The following HRC variants were observed in gnomAD, a reference collection of about 807,000 sequenced individuals.
HRC encodes the protein sarcoplasmic reticulum histidine-rich calcium-binding protein.
A neutral mutation model predicts 61.4 loss-of-function variants in HRC; 41 were observed. That is an observed-to-expected ratio of 0.67 (90% CI 0.52 to 0.87). The LOEUF (loss-of-function observed/expected upper bound fraction) is 0.87. Ranked by LOEUF, HRC falls within the 40% of genes least tolerant of loss-of-function variation. The probability of loss-of-function intolerance (pLI) is 0.00; values close to 1 mark genes in which losing one functional copy is unlikely to be tolerated. For missense variants in HRC, 839 were observed against 885.8 expected (o/e 0.95, Z 0.67); for synonymous variants, 308 against 326.6 (o/e 0.94, Z 0.62).
chr19:49,154,173 C>G lies in HRC; in HGVS notation c.1065G>C (p.Glu355Asp). 6.2e-7 allele frequency: 1 copy of G among 1,613,256 alleles called. No individual in the cohort carries two copies. Among genetic ancestry groups the G allele is most frequent in the South Asian group, 1.1e-5 (1 of 91,062 alleles). ...GGTGCCAACGTTCAGTGGACACATC[C>G]TCATCTTCTTCCTCGTCTCTGTGGC... ...HQGHRDEEED[E>D]DVSTERWHQG... The change falls in exon 1 of 6, where the codon GAG becomes GAC. Residue 355 changes from glutamate to aspartate, a missense_variant. Glu to Asp is a conservative substitution (Grantham distance 45). Coordinates refer to ENST00000252825, the MANE Select transcript of HRC (RefSeq NM_002152.3).
intron 5 of HRC, 81 bp from the exon 6 acceptor site, chr19:49,151,413 T>C (rs1209693347): frequency 6.3e-7 from 1 of 1,575,556 alleles, no homozygotes; most frequent in South Asian, 1.1e-5. Context: ...AACCTGCCCA[T>C]TTCATGGACG....
chr19:49,151,418 T>C (rs2041357149), intron 5 of HRC, 86 bp from the exon 6 acceptor site: 1 of 1,572,182 alleles, frequency 6.4e-7, no homozygotes, highest in African/African-American at 1.3e-5. Context: ...GCCCATTTCA[T>C]GGACGGGGAA....
At position 49,154,297 on chromosome 19, in the gene HRC, T is replaced by C. The variant is rs749425795; in HGVS notation, c.941A>G (p.Tyr314Cys). The C allele has an allele frequency of 6.2e-7, 1 of 1,613,750 alleles. No individual in the cohort carries two copies. Among genetic ancestry groups the C allele is most frequent in the Middle Eastern group, 1.6e-4 (1 of 6,062 alleles). Residue 314 changes from tyrosine to cysteine, a missense_variant, in exon 1 of 6, where the codon TAT becomes TGT. By Grantham distance (194) the Tyr-to-Cys change is radical. Transcript: ENST00000252825. ...DNDDDDVSTE[Y>C]GHQAHRHQDH... Reference sequence around the variant, plus strand: ...TTGGTGCCTGTGGGCCTGGTGTCCATACTCAGTGGAGACATCATCATCATC... The same window carrying C: ...TTGGTGCCTGTGGGCCTGGTGTCCACACTCAGTGGAGACATCATCATCATC...
chr19:49,152,387 C>T lies in HRC; in HGVS notation c.1903-9G>A, dbSNP rs375857548. The T allele has an allele frequency of 1.1e-5, 18 of 1,612,354 alleles. No homozygotes were observed. Among genetic ancestry groups the T allele is most frequent in the Admixed American group, 1.7e-5 (1 of 59,802 alleles). On this transcript the variant is annotated splice_polypyrimidine_tract_variant and intron_variant, in intron 2 of 5. Coordinates refer to ENST00000252825, the MANE Select transcript of HRC (RefSeq NM_002152.3). Reference sequence around the variant, plus strand: ...TCACATTCAGTGCATCGCTGGGGACCGGGGGAGCCTGGTTAGATGGAAACT... The same window carrying T: ...TCACATTCAGTGCATCGCTGGGGACTGGGGGAGCCTGGTTAGATGGAAACT...
rs770360538 is a variant in HRC, at chr19:49,151,339, A to G, written c.2064-7T>C. On this transcript the variant is annotated splice_region_variant and splice_polypyrimidine_tract_variant and intron_variant, in intron 5 of 5. Transcript: ENST00000252825. ...CAGCATGTCTGCCAGGGCCCTGGAG[A>G]CGAGAACGCCAGAAGTTAGACAGCT... 2 of 1,555,874 alleles carry G rather than the reference A, an allele frequency of 1.3e-6. No individual in the cohort carries two copies. The highest frequency in any genetic ancestry group is 1.9e-5 in the Admixed American group (1 of 51,408).
chr19:49,152,078 G>A lies in HRC; in HGVS notation c.1972-20C>T, dbSNP rs374000962. 1 of 1,612,340 alleles carries A rather than the reference G, an allele frequency of 6.2e-7. No individual in the cohort carries two copies. The highest frequency in any genetic ancestry group is 8.5e-7 in the Non-Finnish European group (1 of 1,178,652). On this transcript the variant is annotated intron_variant, in intron 3 of 5. Transcript: ENST00000252825. The stretch of plus-strand genomic sequence containing the variant: ...ACAGTGCTGGAGGCGGGGACGGGGA[G>A]AGAGAGTGAGCGTGGGGCGTGGCCG...
Position 49,153,949 on chromosome 19 carries a change from A to T in HRC, c.1289T>A (p.Val430Asp). 1 of 1,611,384 alleles carries T rather than the reference A, an allele frequency of 6.2e-7. No individual in the cohort carries two copies. Among genetic ancestry groups the T allele is most frequent in the Non-Finnish European group, 8.5e-7 (1 of 1,179,220 alleles). The change falls in exon 1 of 6, where the codon GTC becomes GAC. Residue 430 changes from valine (V) to aspartate (D), a missense_variant. Physicochemically the swap from Val to Asp is radical, Grantham distance 152 (BLOSUM62 -3). Coordinates refer to ENST00000252825, the MANE Select transcript of HRC (RefSeq NM_002152.3). The surrounding 1 kb of genome is among the most constrained non-coding windows in gnomAD (Gnocchi z 4.8). ...GGCCTGGTGGCCAAGCTCAGCAGAGACCTCCTCATCTTCCTCCCTGGGGAC... is the reference window on the plus strand; with the variant it reads ...GGCCTGGTGGCCAAGCTCAGCAGAGTCCTCCTCATCTTCCTCCCTGGGGAC... ...HRVPREEDEEVSAELGHQAPS... is the reference protein window; with the variant it reads ...HRVPREEDEEDSAELGHQAPS...
Position 49,154,920 on chromosome 19 carries a change from G to A in HRC, c.318C>T (p.His106=), listed in dbSNP as rs774815749. 1 of 1,614,206 alleles carries A rather than the reference G, an allele frequency of 6.2e-7. No homozygotes were observed. Among genetic ancestry groups the A allele is most frequent in the Non-Finnish European group, 8.5e-7 (1 of 1,180,044 alleles). Residue 106 remains histidine (H), a synonymous_variant, in exon 1 of 6, where the codon CAC becomes CAT. Coordinates refer to ENST00000252825, the MANE Select transcript of HRC (RefSeq NM_002152.3). ...CTCCGACTTTGTGGTCTTGGGACCTGTGGCCTGGGAGTAGGTGCCCATATT... is the reference window on the plus strand; with the variant it reads ...CTCCGACTTTGTGGTCTTGGGACCTATGGCCTGGGAGTAGGTGCCCATATT... ...SKEYGHLLPG[H]RSQDHKVGDE... is the part of the protein sequence containing the mutation.
Position 49,154,388 on chromosome 19 carries a change from C to G in HRC, c.850G>C (p.Val284Leu), listed in dbSNP as rs376579842. 1.2e-6 allele frequency: 2 copies of G among 1,612,290 alleles called. No homozygotes were observed. The highest frequency in any genetic ancestry group is 1.7e-5 in the Admixed American group (1 of 59,864). ...QGHGIEEDED[V>L]SDGHHHRDPS... The stretch of plus-strand genomic sequence containing the variant: ...TCGCGATGATGGTGTCCATCTGAGA[C>G]ATCTTCATCCTCTTCAATCCCGTGG... The change falls in exon 1 of 6, where the codon GTC (valine) becomes CTC (leucine). Residue 284 changes from valine to leucine, a missense_variant. Physicochemically the swap from Val to Leu is conservative, Grantham distance 32. Coordinates refer to ENST00000252825, the MANE Select transcript of HRC (RefSeq NM_002152.3).
In HRC at chr19:49,155,392, G is replaced by A; in HGVS notation, c.-155C>T. 1 of 1,120,530 alleles carries A rather than the reference G, an allele frequency of 8.9e-7. No individual in the cohort carries two copies. The highest frequency in any genetic ancestry group is 1.7e-5 in the South Asian group (1 of 58,470). The allele number at this position is 1,120,530 out of a possible 1,614,324, so 69.4% of individuals were successfully genotyped here. ...ACCTTCCTCTGGTCCTTGCTGCCTG[G>A]CTCTGGACACCCCTCTGAGGCTGTC... On this transcript the variant is annotated 5_prime_UTR_variant, in exon 1 of 6. Coordinates refer to ENST00000252825, the MANE Select transcript of HRC (RefSeq NM_002152.3). This position sits in a 1 kb window ranked among gnomAD's most constrained non-coding sequence, Gnocchi z 4.7.
Position 49,154,709 on chromosome 19 carries a change from T to C in HRC, c.529A>G (p.Ile177Val). 1 of 1,613,880 alleles carries C rather than the reference T, an allele frequency of 6.2e-7. No individual in the cohort carries two copies. Among genetic ancestry groups the C allele is most frequent in the Non-Finnish European group, 8.5e-7 (1 of 1,179,976 alleles). The change falls in exon 1 of 6, where the codon ATC (isoleucine) becomes GTC (valine). Residue 177 changes from isoleucine to valine, a missense_variant. Coordinates refer to ENST00000252825, the MANE Select transcript of HRC (RefSeq NM_002152.3). ...EVVSSEHHHH[I>V]LRHGHRGHDG... Reference sequence around the variant, plus strand: ...TGGCCTCGGTGTCCATGCCTGAGGATATGATGGTGATGCTCACTGGACACA... The same window carrying C: ...TGGCCTCGGTGTCCATGCCTGAGGACATGATGGTGATGCTCACTGGACACA...
In HRC at chr19:49,153,220, C is replaced by G. The variant is rs778250395; in HGVS notation, c.1902+41G>C. On this transcript the variant is annotated intron_variant, in intron 2 of 5. Coordinates refer to ENST00000252825, the MANE Select transcript of HRC (RefSeq NM_002152.3). This position sits in a 1 kb window ranked among gnomAD's most constrained non-coding sequence, Gnocchi z 4.8. ...CACCCCAGGGCCCCTGGGACAGATT[C>G]TGGGGACACCTTGGTGGGTGGATCT... 3 of 1,527,624 alleles carry G rather than the reference C, an allele frequency of 2.0e-6. No individual in the cohort carries two copies. In the East Asian group the frequency reaches 6.8e-5, roughly 34 times the overall value. The allele number at this position is 1,527,624 out of a possible 1,614,324, so 94.6% of individuals were successfully genotyped here.
chr19:49,151,475 C>A (rs370910726), intron 5 of HRC, 42 bp downstream of exon 5: 115 of 1,607,590 alleles, frequency 7.2e-5, no homozygotes, highest in Non-Finnish European at 9.4e-5. Context: ...ACAAGCACTT[C>A]TCTAAACGGG....
rs755400580 is a variant in HRC, at chr19:49,155,168, G to A, written c.70C>T (p.Pro24Ser). ...CCTCTGAGCTGCTGGGTCATGGCCG[G>A]GGGGAGGAGCAGGCTGGCCACCCCA... ...WAGVASLLLPPAMTQQLRGDG... is the reference protein window; with the variant it reads ...WAGVASLLLPSAMTQQLRGDG... The change falls in exon 1 of 6, where the codon CCG becomes TCG. Residue 24 changes from proline (P) to serine (S), a missense_variant. Transcript: ENST00000252825. The surrounding 1 kb of genome is among the most constrained non-coding windows in gnomAD (Gnocchi z 4.7). The A allele has an allele frequency of 2.5e-6, 4 of 1,613,622 alleles. No individual in the cohort carries two copies. The highest frequency in any genetic ancestry group is 2.2e-5 in the East Asian group (1 of 44,862).
At position 49,155,339 on chromosome 19, in the gene HRC, C is replaced by T; in HGVS notation, c.-102G>A. On this transcript the variant is annotated 5_prime_UTR_variant, in exon 1 of 6. Coordinates refer to ENST00000252825, the MANE Select transcript of HRC (RefSeq NM_002152.3). This position sits in a 1 kb window ranked among gnomAD's most constrained non-coding sequence, Gnocchi z 4.7. ...GGTTGGTCTCTTTTTTTCTCTGTGTCTCTCCTTTGTCCTTTCGGTCTCTGT... is the reference window on the plus strand; with the variant it reads ...GGTTGGTCTCTTTTTTTCTCTGTGTTTCTCCTTTGTCCTTTCGGTCTCTGT... The T allele has an allele frequency of 2.1e-6, 3 of 1,419,808 alleles. No individual in the cohort carries two copies. Among genetic ancestry groups the T allele is most frequent in the East Asian group, 2.5e-5 (1 of 40,454 alleles). The allele number at this position is 1,419,808 out of a possible 1,614,324, so 88.0% of individuals were successfully genotyped here.
chr19:49,154,480 T>A lies in HRC; in HGVS notation c.758A>T (p.Asp253Val), dbSNP rs777415425. 1.9e-6 allele frequency: 3 copies of A among 1,584,126 alleles called. No individual in the cohort carries two copies. In the South Asian group the frequency reaches 3.4e-5, roughly 18 times the overall value. The change falls in exon 1 of 6, where the codon GAT (aspartate) becomes GTT (valine). Residue 253 changes from aspartate to valine, a missense_variant. Physicochemically the swap from Asp to Val is radical, Grantham distance 152. Coordinates refer to ENST00000252825, the MANE Select transcript of HRC (RefSeq NM_002152.3). ...HEEDDDDDDD[D>V]DDDDDDDDVS... ...ATCATCATCATCATCATCATCATCATCATCATCATCATCATCGTCATCTTC... is the reference window on the plus strand; with the variant it reads ...ATCATCATCATCATCATCATCATCAACATCATCATCATCATCGTCATCTTC...
rs57199624 is a variant in HRC, at chr19:49,154,632, TTCCTCCTCCTCC to T, written c.594_605del (p.Glu201_Glu204del). ...GTCCATACTCAGTGGAGGCCTCCTC[TTCCTCCTCCTCC>T]TCCTCCTCCTCCTCTTCTCCTTCAT... On this transcript the variant is annotated inframe_deletion, in exon 1 of 6. Transcript: ENST00000252825. 4 of 1,579,330 alleles carry T rather than the reference TTCCTCCTCCTCC, an allele frequency of 2.5e-6. No individual in the cohort carries two copies. The South Asian group carries it at 3.4e-5, about 13-fold the overall frequency.
chr19:49,151,932 G>A (rs1015070427), intron 4 of HRC, 72 bp downstream of exon 4: 2 of 1,458,596 alleles, frequency 1.4e-6, no homozygotes, highest in Non-Finnish European at 1.9e-6. Context: ...GCCAGGCTCC[G>A]CCCCCACCAG....
chr19:49,152,608 C>T (rs780587376), intron 2 of HRC, among the ~76,000 whole-genome samples: 55 of 150,434 alleles, frequency 3.7e-4, no homozygotes, highest in Non-Finnish European at 6.6e-4. Flanking sequence ...CTCTCTCTGT[C>T]GCCCAGGCTG....
Sources: gnomAD v4.1 joint callset for allele counts (sites outside exome capture counted in the v4.1 genomes callset) on GRCh38, gnomAD v4.1.1 for gene constraint, Gnocchi (gnomAD v3.1) non-coding constraint, MANE v1.5 for transcripts, NCBI Gene and HGNC (gene_info 2026-07-23, HGNC 2026-07-21) for gene names.